Variants in CDH12 observed in about 807,000 individuals in gnomAD.
The protein encoded by CDH12 is cadherin 12, also known as cadherin-12.
Under a neutral mutation model 74.1 loss-of-function variants are expected in CDH12, and 41 were observed. That is an observed-to-expected ratio of 0.55 (90% CI 0.43 to 0.72). CDH12 has a LOEUF of 0.72. CDH12 is among the 30% of genes least tolerant of loss of function. CDH12 has a pLI of 0.00. For synonymous variants in CDH12, 399 were observed against 355.0 expected (o/e 1.12, Z -1.39); for missense variants, 945 against 977.2 (o/e 0.97, Z 0.44).
intron 4 of CDH12, among the ~76,000 whole-genome samples, chr5:22,105,267 A>G (rs957987002): frequency 4.1e-4 from 58 of 142,634 alleles, no homozygotes; most frequent in Middle Eastern, 7.2e-3. Context: ...AATTTTTTTT[A>G]TATTTTCAGT....
At chr5:22,727,085 ATTTG>A (rs1378839779) in intron 1 of CDH12, among the ~76,000 whole-genome samples, 1 of 151,780 alleles carries the variant, frequency 6.6e-6, no homozygotes, top group Non-Finnish European at 1.5e-5. Flanking sequence ...AGTACAAGGC[ATTTG>A]TTTATTAGCT....
intron 6 of CDH12, among the ~76,000 whole-genome samples, chr5:21,945,021 CATA>C (rs1755507497): frequency 6.6e-6 from 1 of 152,018 alleles, no homozygotes; most frequent in African/African-American, 2.4e-5. Context: ...AAAAGATTCT[CATA>C]ATATAAAAAA....
At chr5:22,542,437 T>C (rs1194767694) in intron 1 of CDH12, among the ~76,000 whole-genome samples, 2 of 152,170 alleles carry the variant, frequency 1.3e-5, no homozygotes, top group Non-Finnish European at 2.9e-5. Context: ...TTTTAAAGAA[T>C]ATTAGTGCAC....
chr5:22,413,483 A>G (rs1260586734), intron 2 of CDH12, among the ~76,000 whole-genome samples: 2 of 151,990 alleles, frequency 1.3e-5, no homozygotes, highest in Non-Finnish European at 2.9e-5. Context: ...GAAAGTTATG[A>G]GTGACTATTT....
At chr5:22,195,666 AC>A (rs1750574965) in intron 4 of CDH12, among the ~76,000 whole-genome samples, 1 of 152,208 alleles carries the variant, frequency 6.6e-6, no homozygotes, top group African/African-American at 2.4e-5. Context: ...GTGTATTTAT[AC>A]CTTTTAAACA....
chr5:21,820,850 C>T (rs6863288), intron 8 of CDH12, among the ~76,000 whole-genome samples: 93,805 of 151,742 alleles, frequency 0.62, 30,686 homozygotes, highest in Non-Finnish European at 0.73. Flanking sequence ...GTCTTCCAGG[C>T]GTCCTACTTT....
chr5:22,066,418 T>C (rs1741568063), intron 5 of CDH12, among the ~76,000 whole-genome samples: 1 of 152,166 alleles, frequency 6.6e-6, no homozygotes, highest in African/African-American at 2.4e-5. Context: ...TACTGGACAT[T>C]AGCTCTGAAC....
intron 2 of CDH12, among the ~76,000 whole-genome samples, chr5:22,429,646 A>C (rs985697598): frequency 4.6e-5 from 7 of 152,212 alleles, no homozygotes; most frequent in Admixed American, 2.6e-4. Context: ...AACCCTCCAT[A>C]AACTAAACAT....
At chr5:22,682,716 A>G (rs985209532) in intron 1 of CDH12, among the ~76,000 whole-genome samples, 25 of 110,724 alleles carry the variant, frequency 2.3e-4, no homozygotes, top group African/African-American at 6.8e-4. Context: ...ATTTTGAAGA[A>G]AAAGTGGTTC....
rs1742518576 is a variant in CDH12, at chr5:22,078,851, A to G, written c.-175T>C. ...AAAGGCTTCTGCTGTATTATATTCC[A>G]TCTAAAGGGGCCTATGAAATAGATG... On this transcript the variant is annotated 5_prime_UTR_variant, in exon 5 of 15. The change abolishes an upstream ATG in the 5' untranslated region. Transcript: ENST00000382254. 5 of 1,370,254 alleles carry G rather than the reference A, an allele frequency of 3.6e-6. No individual in the cohort carries two copies. Among genetic ancestry groups the G allele is most frequent in the South Asian group, 1.9e-5 (1 of 53,068 alleles). 84.9% of individuals were successfully genotyped at this position (1,370,254 alleles called of 1,614,324 possible).
At chr5:21,968,772 A>G (rs1756699815) in intron 6 of CDH12, among the ~76,000 whole-genome samples, 1 of 152,182 alleles carries the variant, frequency 6.6e-6, no homozygotes, top group Non-Finnish European at 1.5e-5. Flanking sequence ...TGTGGTACAT[A>G]TACACCATGA....
intron 3 of CDH12, among the ~76,000 whole-genome samples, chr5:22,269,713 C>T (rs1039010489): frequency 6.6e-6 from 1 of 152,100 alleles, no homozygotes; most frequent in African/African-American, 2.4e-5. Flanking sequence ...TGACTTTCTG[C>T]TTACAGAATA....
chr5:22,725,590 G>A (rs1373849094), intron 1 of CDH12, among the ~76,000 whole-genome samples: 1 of 100,654 alleles, frequency 9.9e-6, no homozygotes, highest in Non-Finnish European at 2.2e-5. Context: ...GGTCCTTCAA[G>A]CCATTTTTTT....
intron 9 of CDH12, among the ~76,000 whole-genome samples, chr5:21,807,822 A>AACTT (rs1747518011): frequency 6.6e-6 from 1 of 152,106 alleles, no homozygotes; most frequent in African/African-American, 2.4e-5. Flanking sequence ...CACTCACATA[A>AACTT]ACTTATTAAG....
At chr5:22,233,712 A>G (rs972482827) in intron 3 of CDH12, among the ~76,000 whole-genome samples, 1 of 152,170 alleles carries the variant, frequency 6.6e-6, no homozygotes, top group Non-Finnish European at 1.5e-5. Flanking sequence ...CTATGGCTAT[A>G]TTTTTGATAG....
chr5:22,313,961 T>G (rs1340955723), intron 3 of CDH12, among the ~76,000 whole-genome samples: 2 of 152,082 alleles, frequency 1.3e-5, no homozygotes, highest in Non-Finnish European at 2.9e-5. Context: ...CCCCAAAAGC[T>G]ATTGAAATAA....
At chr5:21,895,175 G>A (rs1436597875) in intron 6 of CDH12, among the ~76,000 whole-genome samples, 3 of 152,112 alleles carry the variant, frequency 2.0e-5, no homozygotes, top group African/African-American at 7.2e-5. Context: ...AGAGAAATGA[G>A]TAAATGTGCA....
chr5:22,474,220 G>A (rs1746079687), intron 2 of CDH12, among the ~76,000 whole-genome samples: 1 of 152,138 alleles, frequency 6.6e-6, no homozygotes, highest in Non-Finnish European at 1.5e-5. Flanking sequence ...GTGGCTGCAG[G>A]TTAGTTACAA....
At chr5:22,059,366 T>C (rs929915454) in intron 5 of CDH12, among the ~76,000 whole-genome samples, 5 of 130,680 alleles carry the variant, frequency 3.8e-5, no homozygotes, top group Admixed American at 7.1e-5. Flanking sequence ...TATCTATCTA[T>C]CTATCTATCT....
Sources: allele counts gnomAD v4.1 joint callset (sites outside exome capture counted in the v4.1 genomes callset), GRCh38; gene constraint gnomAD v4.1.1; transcripts MANE v1.5; gene names NCBI Gene and HGNC (gene_info 2026-07-23, HGNC 2026-07-21).